Variants in USP7 observed in about 807,000 individuals in gnomAD.
The protein encoded by USP7 is ubiquitin C-terminal hydrolase 7.
Under a neutral mutation model 162.9 loss-of-function variants are expected in USP7, and 9 were observed. The observed-to-expected ratio is 0.06, with a 90% CI of 0.03 to 0.10. The LOEUF (loss-of-function observed/expected upper bound fraction) is 0.10, where lower values mean the gene tolerates loss of function less well. Among genes scored for constraint, USP7 ranks in the 10% least tolerant of loss-of-function variants. The probability of loss-of-function intolerance (pLI) is 1.00; values close to 1 mark genes in which losing one functional copy is unlikely to be tolerated. For synonymous variants in USP7, 562 were observed against 475.9 expected, an observed-to-expected ratio of 1.18 and a Z score of -2.35; for missense variants, 715 against 1,373.7, an observed-to-expected ratio of 0.52 and a Z score of 7.58.
At chr16:8,921,529 T>C (rs2141212128) in intron 3 of USP7, among the ~76,000 whole-genome samples, 2 of 152,346 alleles carry the variant, frequency 1.3e-5, no homozygotes, top group East Asian at 1.9e-4. Flanking sequence ...ATTTTTTAAT[T>C]CCTTAGAAGT....
At chr16:8,911,483 G>C (rs1303930417) in intron 10 of USP7, among the ~76,000 whole-genome samples, 4 of 152,202 alleles carry the variant, frequency 2.6e-5, no homozygotes, top group African/African-American at 9.6e-5. Context: ...AGAGTGTATG[G>C]AGAGCTCGTC....
chr16:8,950,218 G>T (rs1438710645), intron 1 of USP7, among the ~76,000 whole-genome samples: 1 of 152,128 alleles, frequency 6.6e-6, no homozygotes, highest in Non-Finnish European at 1.5e-5. Context: ...CTGCCACAGT[G>T]GACAGCGAAG....
Position 8,924,059 on chromosome 16 carries a change from AATG to A in USP7, c.185-649_185-647del, listed in dbSNP as rs1897855765. ...CCCACATGAGTAGTATAAATTGTTAAATGATAACAAGACCAAAGGCTGATTTAA... is the reference window on the plus strand; with the variant it reads ...CCCACATGAGTAGTATAAATTGTTAAATAACAAGACCAAAGGCTGATTTAA... On this transcript the variant is annotated intron_variant, in intron 2 of 30. Coordinates refer to ENST00000344836, the MANE Select transcript of USP7 (RefSeq NM_003470.3). Among the ~76,000 whole-genome samples, 4 of 152,322 alleles carry A rather than the reference AATG, an allele frequency of 2.6e-5. No homozygotes were observed. In the East Asian group the frequency reaches 7.7e-4, roughly 29 times the overall value.
chr16:8,952,246 T>G (rs771474145), intron 1 of USP7, among the ~76,000 whole-genome samples: 12 of 152,000 alleles, frequency 7.9e-5, no homozygotes, highest in Non-Finnish European at 1.5e-4. Context: ...AGAGCCTGTC[T>G]CCAAAAAAAT....
intron 1 of USP7, among the ~76,000 whole-genome samples, chr16:8,936,905 G>A (rs796798403): frequency 1.8e-4 from 28 of 152,230 alleles, no homozygotes; most frequent in African/African-American, 6.3e-4. Context: ...GACAAATCTG[G>A]TTTAAAACAC....
intron 1 of USP7, among the ~76,000 whole-genome samples, chr16:8,956,786 A>AAAAC (rs1301287863): frequency 1.3e-5 from 2 of 151,224 alleles, no homozygotes; most frequent in Admixed American, 1.3e-4. Context: ...CAAAAAAAAA[A>AAAAC]AAACACTGAA....
intron 1 of USP7, among the ~76,000 whole-genome samples, chr16:8,932,128 GAAT>G (rs1232674281): frequency 2.0e-5 from 3 of 152,044 alleles, no homozygotes; most frequent in African/African-American, 7.3e-5. Flanking sequence ...AATAATTCCT[GAAT>G]AAAATGGTAC....
chr16:8,897,006 T>C lies in USP7; in HGVS notation c.2812A>G (p.Lys938Glu). 2 of 1,613,756 alleles carry C rather than the reference T, an allele frequency of 1.2e-6. No homozygotes were observed. Among genetic ancestry groups the C allele is most frequent in the Non-Finnish European group, 1.7e-6 (2 of 1,179,596 alleles). ...AVELGEKASG[K>E]LRLLEIVSYK... ...GGCTCAAGAAATACTTGCCTAAGTT[T>C]CCCTGATGCTTTCTCCCCAAGCTCC... Residue 938 changes from lysine to glutamate, a missense_variant, in exon 26 of 31, where the codon AAA (lysine) becomes GAA (glutamate). Physicochemically the swap from Lys to Glu is moderately conservative, Grantham distance 56. Around this residue, in one of 11 missense-constraint regions of USP7, gnomAD observed 222 missense variants for 441.7 expected, o/e 0.50. Coordinates refer to ENST00000344836, the MANE Select transcript of USP7 (RefSeq NM_003470.3).
At chr16:8,938,780 T>G (rs1201586838) in intron 1 of USP7, among the ~76,000 whole-genome samples, 2 of 152,146 alleles carry the variant, frequency 1.3e-5, no homozygotes, top group Non-Finnish European at 2.9e-5. Flanking sequence ...TGTGTCATTA[T>G]TCCCAAAACA....
intron 2 of USP7, among the ~76,000 whole-genome samples, chr16:8,924,257 G>A (rs1041463085): frequency 1.2e-4 from 19 of 152,192 alleles, no homozygotes; most frequent in Admixed American, 2.6e-4. Context: ...AACGACTCCT[G>A]CGAAGGCACA....
In USP7 at chr16:8,905,339, G is replaced by A; in HGVS notation, c.1429-8C>T. 6.2e-7 allele frequency: 1 copy of A among 1,613,442 alleles called. No homozygotes were observed. Among genetic ancestry groups the A allele is most frequent in the Admixed American group, 1.7e-5 (1 of 60,016 alleles). Reference sequence around the variant, plus strand: ...GTCATCAAATTTACACCACTGCAAGGAAAACAACACACACCAGCAGCGATC... The same window carrying A: ...GTCATCAAATTTACACCACTGCAAGAAAAACAACACACACCAGCAGCGATC... On this transcript the variant is annotated splice_region_variant and splice_polypyrimidine_tract_variant and intron_variant, in intron 13 of 30. Coordinates refer to ENST00000344836, the MANE Select transcript of USP7 (RefSeq NM_003470.3).
At chr16:8,894,428 C>T (rs1393093780) in intron 30 of USP7, 122 bp downstream of exon 30, 1 of 901,610 alleles carries the variant, frequency 1.1e-6, no homozygotes, top group Non-Finnish European at 1.7e-6. Context: ...CCTGGTTCCA[C>T]AGGTCGGCCA....
intron 1 of USP7, among the ~76,000 whole-genome samples, chr16:8,931,145 C>T (rs966973558): frequency 6.6e-6 from 1 of 151,614 alleles, no homozygotes; most frequent in Non-Finnish European, 1.5e-5. Context: ...AAATGGTATA[C>T]ATTAAAACAA....
chr16:8,941,937 C>G (rs1273060940), intron 1 of USP7, among the ~76,000 whole-genome samples: 6 of 152,170 alleles, frequency 3.9e-5, no homozygotes, highest in Admixed American at 3.9e-4. Flanking sequence ...AGGGCAAACG[C>G]ACACAGTGAC....
chr16:8,931,666 A>G (rs11863279), intron 1 of USP7, among the ~76,000 whole-genome samples: 39,183 of 152,218 alleles, frequency 0.26, 6,516 homozygotes, highest in African/African-American at 0.47. Context: ...ACCACTGGTA[A>G]ATAAGGTGTA....
At chr16:8,899,460 C>G (rs2061741100) in intron 22 of USP7, 144 bp downstream of exon 22, 2 of 1,072,376 alleles carry the variant, frequency 1.9e-6, no homozygotes, top group Non-Finnish European at 2.7e-6. Flanking sequence ...AGGCAGAGAG[C>G]CTGAATCCAT....
chr16:8,900,599 T>A lies in USP7; in HGVS notation c.2240A>T (p.Gln747Leu). 1 of 1,611,116 alleles carries A rather than the reference T, an allele frequency of 6.2e-7. No homozygotes were observed. The highest frequency in any genetic ancestry group is 8.5e-7 in the Non-Finnish European group (1 of 1,179,432). Reference sequence around the variant, plus strand: ...TTTATCAAGAGACACGTCATAGTCCTGAATTCTCTCTGTTAAATTCGGTTT... The same window carrying A: ...TTTATCAAGAGACACGTCATAGTCCAGAATTCTCTCTGTTAAATTCGGTTT... ...EVKPNLTERI[Q>L]DYDVSLDKAL... is the part of the protein sequence containing the mutation. Residue 747 changes from glutamine to leucine, a missense_variant, in exon 21 of 31, where the codon CAG becomes CTG. Physicochemically the swap from Gln to Leu is moderately radical, Grantham distance 113. This residue lies in a region of USP7 where 222 missense variants were observed against 441.7 expected (regional missense o/e 0.50). Transcript: ENST00000344836.
chr16:8,933,769 T>G (rs1323594844), intron 1 of USP7, among the ~76,000 whole-genome samples: 1 of 151,922 alleles, frequency 6.6e-6, no homozygotes, highest in Non-Finnish European at 1.5e-5. Flanking sequence ...TTTTTTTTTT[T>G]TTTTGAGATG....
At chr16:8,902,593 A>T in intron 16 of USP7, 111 bp from the exon 17 acceptor site, 1 of 935,296 alleles carries the variant, frequency 1.1e-6, no homozygotes, top group African/African-American at 1.7e-5. Flanking sequence ...AGTCAATGTT[A>T]AGACTGTGAT....
Sources: gnomAD v4.1 joint callset for allele counts (sites outside exome capture counted in the v4.1 genomes callset) on GRCh38, gnomAD v4.1.1 for gene constraint, gnomAD v4.1.1 regional missense constraint, MANE v1.5 for transcripts, NCBI Gene and HGNC (gene_info 2026-07-23, HGNC 2026-07-21) for gene names.